The following PHF21B variants were observed in gnomAD, a reference collection of about 807,000 sequenced individuals.
The protein encoded by PHF21B is PHD finger protein 4.
Under a neutral mutation model 62.2 loss-of-function variants are expected in PHF21B, and 22 were observed. The observed-to-expected ratio is 0.35, with a 90% CI of 0.25 to 0.51. PHF21B has a LOEUF of 0.51. Ranked by LOEUF, PHF21B falls within the 20% of genes least tolerant of loss-of-function variation. The pLI is 0.97. For synonymous variants in PHF21B, 341 were observed against 314.7 expected (o/e 1.08, Z -0.88); for missense variants, 701 against 707.9 (o/e 0.99, Z 0.11).
Position 44,914,775 on chromosome 22 carries a change from C to G in PHF21B, c.565-687G>C, listed in dbSNP as rs910438949. On this transcript the variant is annotated intron_variant, in intron 4 of 12. Coordinates refer to ENST00000313237, the MANE Select transcript of PHF21B (RefSeq NM_138415.5). ...CCCCCTTAGCCAGCCTGCCTCGAGG[C>G]TCAGGGGGTGATCTGGTTTGATGAA... Among the ~76,000 whole-genome samples, 8 of 152,352 alleles carry G rather than the reference C, an allele frequency of 5.3e-5. No homozygotes were observed. The South Asian group carries it at 1.5e-3, about 28-fold the overall frequency.
At chr22:44,957,755 T>G (rs1409320033) in intron 2 of PHF21B, among the ~76,000 whole-genome samples, 15 of 152,174 alleles carry the variant, frequency 9.9e-5, no homozygotes, top group Non-Finnish European at 8.8e-5. Flanking sequence ...AGATCTGCTG[T>G]TTTTCTGGGC....
intron 2 of PHF21B, among the ~76,000 whole-genome samples, chr22:44,924,199 A>C (rs1370165370): frequency 6.6e-6 from 1 of 152,226 alleles, no homozygotes; most frequent in Non-Finnish European, 1.5e-5. Flanking sequence ...ATTAGTTATT[A>C]GGGAAATGCA....
intron 1 of PHF21B, chr22:45,008,822 CGCGGG>C (rs919066943): frequency 7.6e-6 from 9 of 1,183,706 alleles, no homozygotes; most frequent in South Asian, 4.2e-5. Context: ...CGGGGCAGCT[CGCGGG>C]GCGGGGCGGG....
chr22:44,921,359 C>T (rs990065545), intron 2 of PHF21B, among the ~76,000 whole-genome samples: 2 of 146,974 alleles, frequency 1.4e-5, no homozygotes, highest in Non-Finnish European at 3.0e-5. Flanking sequence ...CGGAACAGTT[C>T]TTTTTTTTTT....
chr22:44,918,325 G>A (rs972750487), intron 3 of PHF21B, among the ~76,000 whole-genome samples: 3 of 152,184 alleles, frequency 2.0e-5, no homozygotes, highest in African/African-American at 4.8e-5. Context: ...GACCCTGGCC[G>A]CCCACCCTAT....
At chr22:44,980,330 G>A (rs1411991480) in intron 2 of PHF21B, among the ~76,000 whole-genome samples, 1 of 152,174 alleles carries the variant, frequency 6.6e-6, no homozygotes, top group East Asian at 1.9e-4. Context: ...CTGGCTTGCA[G>A]TCACTGCTCA....
Position 44,912,608 on chromosome 22 carries a change from T to C in PHF21B, c.831+1214A>G, listed in dbSNP as rs531812082. Among the ~76,000 whole-genome samples, 408 of 152,322 alleles carry C rather than the reference T, an allele frequency of 2.7e-3. 1 individual carries two copies. Among genetic ancestry groups the C allele is most frequent in the African/African-American group, 9.5e-3 (395 of 41,566 alleles). The stretch of plus-strand genomic sequence containing the variant: ...CATGATTGTGAGGTTTCCCCAGCCA[T>C]GTGGAACTGTGAGTTCTCCATTAAA... On this transcript the variant is annotated intron_variant, in intron 5 of 12. Transcript: ENST00000313237.
At chr22:44,951,304 A>G (rs2072189546) in intron 2 of PHF21B, among the ~76,000 whole-genome samples, 1 of 152,174 alleles carries the variant, frequency 6.6e-6, no homozygotes, top group Admixed American at 6.5e-5. Context: ...CCTTGCATGC[A>G]GAGTTCACAA....
At chr22:44,929,632 A>C (rs1480170082) in intron 2 of PHF21B, among the ~76,000 whole-genome samples, 1 of 152,196 alleles carries the variant, frequency 6.6e-6, no homozygotes, top group African/African-American at 2.4e-5. Context: ...CCTCCAAAGA[A>C]AGAGGGCAAG....
chr22:44,915,405 A>G (rs1438569204), intron 4 of PHF21B, among the ~76,000 whole-genome samples: 1 of 152,260 alleles, frequency 6.6e-6, no homozygotes, highest in East Asian at 1.9e-4. Context: ...ATGCTGGTGC[A>G]GTTGGGTGAA....
At chr22:44,998,120 G>A (rs1210770516) in intron 2 of PHF21B, among the ~76,000 whole-genome samples, 15 of 152,300 alleles carry the variant, frequency 9.8e-5, no homozygotes, top group Non-Finnish European at 2.1e-4. Flanking sequence ...AAGTTTCATC[G>A]TATGGACCAT....
intron 2 of PHF21B, among the ~76,000 whole-genome samples, chr22:44,938,989 A>AAACCTCC (rs1222992659): frequency 6.6e-6 from 1 of 152,222 alleles, no homozygotes; most frequent in Non-Finnish European, 1.5e-5. Context: ...GGACTTCACA[A>AAACCTCC]AACCTCCACC....
chr22:44,981,594 G>A (rs1241901983), intron 2 of PHF21B, among the ~76,000 whole-genome samples: 2 of 152,360 alleles, frequency 1.3e-5, no homozygotes, highest in African/African-American at 4.8e-5. Context: ...GAGATGCTAA[G>A]TGACTGCCTA....
chr22:44,898,298 G>A (rs1162651812), intron 5 of PHF21B, among the ~76,000 whole-genome samples: 1 of 151,566 alleles, frequency 6.6e-6, no homozygotes, highest in South Asian at 2.1e-4. Context: ...GTGGGCTGGG[G>A]TGGTAGGTTT....
In PHF21B at chr22:44,888,110, G is replaced by A. The variant is rs1569207334; in HGVS notation, c.1050C>T (p.Thr350=). ...NEDPCWKNEI[T]HDEHCAACKR... is the part of the protein sequence containing the mutation. ...TGCAGGCGGCACAGTGCTCATCGTG[G>A]GTGATCTCGTTCTGGAAGAGAAGGG... The change falls in exon 10 of 13, where the codon ACC becomes ACT. Residue 350 remains threonine, a synonymous_variant. Coordinates refer to ENST00000313237, the MANE Select transcript of PHF21B (RefSeq NM_138415.5). 6 of 1,530,490 alleles carry A rather than the reference G, an allele frequency of 3.9e-6. No homozygotes were observed. The highest frequency in any genetic ancestry group is 4.4e-6 in the Non-Finnish European group (5 of 1,136,880). The allele number at this position is 1,530,490 out of a possible 1,614,324, so 94.8% of individuals were successfully genotyped here.
intron 5 of PHF21B, among the ~76,000 whole-genome samples, chr22:44,908,971 G>A (rs1041285203): frequency 1.3e-5 from 2 of 152,118 alleles, no homozygotes; most frequent in South Asian, 2.1e-4. Context: ...CTCATTTTTT[G>A]TATTTTTGTA....
At chr22:45,006,768 G>C (rs944010832) in intron 2 of PHF21B, among the ~76,000 whole-genome samples, 9 of 151,536 alleles carry the variant, frequency 5.9e-5, no homozygotes, top group African/African-American at 2.2e-4. Flanking sequence ...TTCTAGGAGC[G>C]TACGAGTCAA....
chr22:44,983,105 G>C (rs962935124), intron 2 of PHF21B, among the ~76,000 whole-genome samples: 4 of 152,058 alleles, frequency 2.6e-5, no homozygotes, highest in African/African-American at 4.8e-5. Flanking sequence ...ATGGTGGCAG[G>C]CGCCTGTAAT....
chr22:44,931,703 T>G (rs1423108812), intron 2 of PHF21B, among the ~76,000 whole-genome samples: 1 of 150,476 alleles, frequency 6.6e-6, no homozygotes, highest in Non-Finnish European at 1.5e-5. Context: ...TGTGTAGAGG[T>G]GTATTCTGGA....
Sources: gnomAD v4.1 joint callset for allele counts (sites outside exome capture counted in the v4.1 genomes callset) on GRCh38, gnomAD v4.1.1 for gene constraint, MANE v1.5 for transcripts, NCBI Gene and HGNC (gene_info 2026-07-23, HGNC 2026-07-21) for gene names.